Variants in ADAM10 observed in about 807,000 individuals in gnomAD.
ADAM10 encodes the protein disintegrin and metalloproteinase domain-containing protein 10.
ADAM10 carries 17 observed loss-of-function variants against 90.1 expected under a neutral mutation model. The ratio of observed to expected loss-of-function variants is 0.19; its 90% CI spans 0.13 to 0.28. The LOEUF (loss-of-function observed/expected upper bound fraction) is 0.28. Ranked by LOEUF, ADAM10 falls within the 10% of genes least tolerant of loss-of-function variation. ADAM10 has a pLI of 1.00. For synonymous variants in ADAM10, 310 were observed against 298.6 expected (o/e 1.04, Z -0.40); for missense variants, 610 against 914.3 (o/e 0.67, Z 4.29).
intron 2 of ADAM10, among the ~76,000 whole-genome samples, chr15:58,697,161 T>C (rs1247083731): frequency 1.3e-5 from 2 of 152,270 alleles, no homozygotes. Flanking sequence ...CTGCTGCCAC[T>C]GGTGCTAAAC....
chr15:58,663,893 A>C (rs1245780126), intron 5 of ADAM10, among the ~76,000 whole-genome samples: 1 of 152,050 alleles, frequency 6.6e-6, no homozygotes, highest in Non-Finnish European at 1.5e-5. Flanking sequence ...TTGTATATTA[A>C]TATTTTATCA....
At chr15:58,708,761 G>A (rs1227854034) in intron 2 of ADAM10, among the ~76,000 whole-genome samples, 1 of 152,122 alleles carries the variant, frequency 6.6e-6, no homozygotes, top group African/African-American at 2.4e-5. Context: ...TATTTGACTT[G>A]TTGGTTCAAT....
At position 58,599,659 on chromosome 15, in the gene ADAM10, C is replaced by A; in HGVS notation, c.2091G>T (p.Lys697Asn). The A allele has an allele frequency of 6.2e-7, 1 of 1,613,208 alleles. No individual in the cohort carries two copies. Among genetic ancestry groups the A allele is most frequent in the Non-Finnish European group, 8.5e-7 (1 of 1,179,660 alleles). The change falls in exon 15 of 16, where the codon AAG (lysine) becomes AAT (asparagine). Residue 697 changes from lysine to asparagine, a missense_variant. Physicochemically the swap from Lys to Asn is moderately conservative, Grantham distance 94. This residue lies in a region of ADAM10 where 150 missense variants were observed against 268.5 expected (regional missense o/e 0.56). Transcript: ENST00000260408. ...ALIMLMAGFI[K>N]ICSVHTPSSN... ...TACTTGGAGTATGAACACTGCATAT[C>A]TTAATAAATCCAGCCATTAGCATGA...
intron 4 of ADAM10, among the ~76,000 whole-genome samples, chr15:58,667,621 T>C (rs1319768258): frequency 6.6e-6 from 1 of 152,256 alleles, no homozygotes; most frequent in African/African-American, 2.4e-5. Context: ...TAGAATAATA[T>C]TATTATGCAT....
chr15:58,624,155 G>A (rs557912094), intron 10 of ADAM10, among the ~76,000 whole-genome samples: 25 of 151,924 alleles, frequency 1.6e-4, no homozygotes, highest in South Asian at 4.2e-4. Context: ...GCGTGGTGGC[G>A]CACTCCTGCA....
chr15:58,711,089 T>C lies in ADAM10; in HGVS notation c.206+6488A>G, dbSNP rs151314053. Reference sequence around the variant, plus strand: ...AAACTTCCAACCAAATGTCTAATCATTTGTTTTAAACAGTTTGGAAATTTA... The same window carrying C: ...AAACTTCCAACCAAATGTCTAATCACTTGTTTTAAACAGTTTGGAAATTTA... On this transcript the variant is annotated intron_variant, in intron 2 of 15. Coordinates refer to ENST00000260408, the MANE Select transcript of ADAM10 (RefSeq NM_001110.4). 3.2e-3 allele frequency among the ~76,000 whole-genome samples: 491 copies of C among 152,332 alleles called. 3 individuals carry two copies. The highest frequency in any genetic ancestry group is 0.011 in the African/African-American group (471 of 41,584).
chr15:58,686,505 C>A, intron 2 of ADAM10: 1 of 1,423,556 alleles, frequency 7.0e-7, no homozygotes, highest in Non-Finnish European at 9.8e-7. Context: ...TCTCAGGCAG[C>A]CGCAGAGCTT....
chr15:58,679,415 T>C, intron 3 of ADAM10, 133 bp from the exon 4 acceptor site: 1 of 800,014 alleles, frequency 1.2e-6, no homozygotes, highest in South Asian at 1.7e-5. Flanking sequence ...TGGTTAAATC[T>C]TGAATATAAA....
intron 11 of ADAM10, among the ~76,000 whole-genome samples, chr15:58,617,776 AAATC>A (rs1209008110): frequency 6.6e-6 from 1 of 152,126 alleles, no homozygotes; most frequent in Admixed American, 6.5e-5. Context: ...AAATAGCAGA[AAATC>A]AATCTCATTT....
At chr15:58,648,124 T>C (rs571986434) in intron 5 of ADAM10, among the ~76,000 whole-genome samples, 8 of 152,234 alleles carry the variant, frequency 5.3e-5, no homozygotes, top group African/African-American at 1.9e-4. Flanking sequence ...TGCTTCACTA[T>C]AGTAACCATT....
chr15:58,688,487 A>C (rs1285076945), intron 2 of ADAM10, among the ~76,000 whole-genome samples: 1 of 152,026 alleles, frequency 6.6e-6, no homozygotes, highest in African/African-American at 2.4e-5. Flanking sequence ...ACTAACTATA[A>C]AGAAATGTGA....
At chr15:58,618,997 G>C (rs1448106958) in intron 11 of ADAM10, among the ~76,000 whole-genome samples, 1 of 151,910 alleles carries the variant, frequency 6.6e-6, no homozygotes, top group East Asian at 1.9e-4. Flanking sequence ...GATCCAGCTG[G>C]GTATACATCC....
At chr15:58,628,294 G>C (rs1359647408) in intron 9 of ADAM10, among the ~76,000 whole-genome samples, 1 of 152,102 alleles carries the variant, frequency 6.6e-6, no homozygotes, top group African/African-American at 2.4e-5. Flanking sequence ...GGTGGGGAAA[G>C]ACAAAAGAAT....
intron 2 of ADAM10, among the ~76,000 whole-genome samples, chr15:58,688,172 C>T (rs1566995393): frequency 1.3e-5 from 2 of 151,930 alleles, no homozygotes; most frequent in Admixed American, 6.6e-5. Context: ...GAAAGATGTC[C>T]AGGACTTCCC....
At chr15:58,602,611 C>T (rs746192181) in intron 14 of ADAM10, among the ~76,000 whole-genome samples, 2 of 152,026 alleles carry the variant, frequency 1.3e-5, no homozygotes, top group Non-Finnish European at 2.9e-5. Context: ...TATATACATA[C>T]GTACATATAT....
At chr15:58,719,272 C>CGA (rs1411567839) in intron 1 of ADAM10, among the ~76,000 whole-genome samples, 2 of 151,878 alleles carry the variant, frequency 1.3e-5, no homozygotes, top group African/African-American at 4.8e-5. Context: ...TGTAGTGAGC[C>CGA]GAGATCATGC....
At chr15:58,621,420 C>T in intron 11 of ADAM10, 51 bp downstream of exon 11, 1 of 1,606,058 alleles carries the variant, frequency 6.2e-7, no homozygotes, top group Non-Finnish European at 8.5e-7. Flanking sequence ...GTCATAACTG[C>T]ATTGAGGTAA....
chr15:58,611,068 C>T lies in ADAM10; in HGVS notation c.1735G>A (p.Glu579Lys), dbSNP rs370531306. The change falls in exon 13 of 16, where the codon GAG (glutamate) becomes AAG (lysine). Residue 579 changes from glutamate to lysine, a missense_variant. Glu to Lys is a moderately conservative substitution (Grantham distance 56). This residue lies in a region of ADAM10 where 150 missense variants were observed against 268.5 expected (regional missense o/e 0.56). Coordinates refer to ENST00000260408, the MANE Select transcript of ADAM10 (RefSeq NM_001110.4). ...GSICEKYGLEECTCASSDGKD... is the reference protein window; with the variant it reads ...GSICEKYGLEKCTCASSDGKD... ...CCATCAGAACTGGCACACGTACACTCCTCTAAGCCATATTTCTCACAGATA... is the reference window on the plus strand; with the variant it reads ...CCATCAGAACTGGCACACGTACACTTCTCTAAGCCATATTTCTCACAGATA... The T allele has an allele frequency of 2.5e-6, 4 of 1,613,918 alleles. No homozygotes were observed. Among genetic ancestry groups the T allele is most frequent in the Non-Finnish European group, 3.4e-6 (4 of 1,179,872 alleles).
intron 8 of ADAM10, 100 bp from the exon 9 acceptor site, chr15:58,633,459 TCTAAA>T: frequency 9.5e-7 from 1 of 1,054,022 alleles, no homozygotes. Context: ...TATATTTTAA[TCTAAA>T]ATAGAACTGG....
Sources: allele counts gnomAD v4.1 joint callset (sites outside exome capture counted in the v4.1 genomes callset), GRCh38; gene constraint gnomAD v4.1.1; regional missense constraint gnomAD v4.1.1; transcripts MANE v1.5; gene names NCBI Gene and HGNC (gene_info 2026-07-23, HGNC 2026-07-21).